Variants in MAGI2 observed in about 807,000 individuals in gnomAD.
The protein encoded by MAGI2 is membrane-associated guanylate kinase, WW and PDZ domain-containing protein 2.
Under a neutral mutation model 133.3 loss-of-function variants are expected in MAGI2, and 35 were observed. The ratio of observed to expected loss-of-function variants is 0.26; its 90% CI spans 0.20 to 0.35. MAGI2 has a LOEUF of 0.35. Among genes scored for constraint, MAGI2 ranks in the 10% least tolerant of loss-of-function variants. The pLI is 1.00. For synonymous variants in MAGI2, 729 were observed against 710.6 expected, an observed-to-expected ratio of 1.03 and a Z score of -0.41; for missense variants, 1,636 against 1,863.4, an observed-to-expected ratio of 0.88 and a Z score of 2.25.
At chr7:78,401,951 T>C (rs140886366) in intron 6 of MAGI2, among the ~76,000 whole-genome samples, 1 of 152,078 alleles carries the variant, frequency 6.6e-6, no homozygotes, top group East Asian at 1.9e-4. Flanking sequence ...AATGTGTTTC[T>C]ACTTGTCTTG....
chr7:78,612,991 A>G (rs192718556), intron 3 of MAGI2, among the ~76,000 whole-genome samples: 35 of 152,248 alleles, frequency 2.3e-4, no homozygotes, highest in African/African-American at 8.2e-4. Flanking sequence ...TTTCTAAACT[A>G]CAAGGGACAT....
intron 1 of MAGI2, among the ~76,000 whole-genome samples, chr7:79,391,504 TA>T (rs1218885830): frequency 1.4e-4 from 6 of 44,052 alleles, no homozygotes; most frequent in Admixed American, 7.4e-4. Context: ...TATATATATA[TA>T]GACATATATA....
chr7:79,444,083 T>C (rs1204888318), intron 1 of MAGI2, among the ~76,000 whole-genome samples: 2 of 152,182 alleles, frequency 1.3e-5, no homozygotes, highest in African/African-American at 4.8e-5. Context: ...TCTCAATAGA[T>C]GCAGAAAAGG....
intron 1 of MAGI2, among the ~76,000 whole-genome samples, chr7:79,217,234 T>C (rs1264233916): frequency 1.3e-5 from 2 of 152,048 alleles, no homozygotes; most frequent in Non-Finnish European, 2.9e-5. Flanking sequence ...AAAGATCAAA[T>C]ATTCTCGGAG....
At chr7:78,316,289 T>C (rs529942863) in intron 9 of MAGI2, among the ~76,000 whole-genome samples, 1 of 152,342 alleles carries the variant, frequency 6.6e-6, no homozygotes, top group East Asian at 1.9e-4. Context: ...TGGGTGTATA[T>C]AAATAAGAAT....
chr7:78,923,316 T>C (rs936909415), intron 2 of MAGI2, among the ~76,000 whole-genome samples: 5 of 152,226 alleles, frequency 3.3e-5, no homozygotes, highest in Non-Finnish European at 7.3e-5. Flanking sequence ...CTAGGGTTTT[T>C]ATGGTTTTAG....
intron 1 of MAGI2, among the ~76,000 whole-genome samples, chr7:79,115,388 T>C (rs561605723): frequency 1.3e-5 from 2 of 152,336 alleles, no homozygotes; most frequent in African/African-American, 4.8e-5. Flanking sequence ...TTAATTATTG[T>C]CTGAAATAGA....
At chr7:78,417,096 G>T (rs561118325) in intron 6 of MAGI2, among the ~76,000 whole-genome samples, 14 of 152,242 alleles carry the variant, frequency 9.2e-5, no homozygotes, top group Admixed American at 7.9e-4. Flanking sequence ...AGATCAGGAA[G>T]TATAAATCCA....
At chr7:78,117,252 T>C (rs1044506605) in intron 20 of MAGI2, among the ~76,000 whole-genome samples, 1 of 152,028 alleles carries the variant, frequency 6.6e-6, no homozygotes, top group Admixed American at 6.5e-5. Context: ...AGGCCAATCT[T>C]ACTCAATAAC....
At chr7:78,054,235 C>T (rs980697947) in intron 21 of MAGI2, among the ~76,000 whole-genome samples, 1 of 152,098 alleles carries the variant, frequency 6.6e-6, no homozygotes, top group East Asian at 1.9e-4. Flanking sequence ...CAGCTATTCT[C>T]CTGCCTCAGC....
At chr7:79,211,870 T>G (rs1212119327) in intron 1 of MAGI2, among the ~76,000 whole-genome samples, 1 of 152,018 alleles carries the variant, frequency 6.6e-6, no homozygotes. Flanking sequence ...TATGCCCTTT[T>G]GAGCATGATG....
intron 1 of MAGI2, among the ~76,000 whole-genome samples, chr7:79,306,827 T>G (rs1435913782): frequency 2.0e-5 from 3 of 151,970 alleles, no homozygotes; most frequent in Admixed American, 1.3e-4. Context: ...AGAATTTTTT[T>G]TTTTTGAGAT....
chr7:78,230,320 T>G (rs1264420113), intron 10 of MAGI2, among the ~76,000 whole-genome samples: 1 of 152,230 alleles, frequency 6.6e-6, no homozygotes, highest in African/African-American at 2.4e-5. Flanking sequence ...TATAGCATAA[T>G]ATAGTATTTC....
intron 2 of MAGI2, among the ~76,000 whole-genome samples, chr7:78,767,174 T>C (rs1339706981): frequency 6.6e-6 from 1 of 151,958 alleles, no homozygotes; most frequent in Non-Finnish European, 1.5e-5. Context: ...GTATTTTCAA[T>C]AGAGACGGGT....
chr7:79,161,737 A>T (rs1824373766), intron 1 of MAGI2, among the ~76,000 whole-genome samples: 1 of 152,066 alleles, frequency 6.6e-6, no homozygotes, highest in African/African-American at 2.4e-5. Context: ...CTTTTAAGTT[A>T]TTTGGGTGAA....
intron 6 of MAGI2, among the ~76,000 whole-genome samples, chr7:78,371,628 T>C (rs1793925407): frequency 6.6e-6 from 1 of 152,026 alleles, no homozygotes. Flanking sequence ...GTTCATTGAT[T>C]CTTTTCTTTG....
At chr7:78,845,287 T>C (rs2151470495) in intron 2 of MAGI2, among the ~76,000 whole-genome samples, 1 of 152,072 alleles carries the variant, frequency 6.6e-6, no homozygotes, top group African/African-American at 2.4e-5. Flanking sequence ...CTTTATCATC[T>C]GCTAATATTA....
intron 20 of MAGI2, among the ~76,000 whole-genome samples, chr7:78,105,597 T>C (rs930764523): frequency 6.6e-6 from 1 of 152,212 alleles, no homozygotes; most frequent in Non-Finnish European, 1.5e-5. Context: ...TAATTTTCTT[T>C]CTAGTTAGTA....
In MAGI2 at chr7:78,187,277, T is replaced by C. The variant is rs554643516; in HGVS notation, c.2270-1607A>G. On this transcript the variant is annotated intron_variant, in intron 12 of 21. Coordinates refer to ENST00000354212, the MANE Select transcript of MAGI2 (RefSeq NM_012301.4). ...TAGTTGTTGCTTGGAAGAAATTTCA[T>C]ACCATTATTATTATTTTGGTCTATA... is the stretch of plus-strand genomic sequence containing the variant. Among the ~76,000 whole-genome samples the C allele has an allele frequency of 7.2e-5, 11 of 152,270 alleles. No homozygotes were observed. In the South Asian group the frequency reaches 2.3e-3, roughly 32 times the overall value.
Sources: allele counts gnomAD v4.1 joint callset (sites outside exome capture counted in the v4.1 genomes callset), GRCh38; gene constraint gnomAD v4.1.1; transcripts MANE v1.5; gene names NCBI Gene and HGNC (gene_info 2026-07-23, HGNC 2026-07-21).